Variants in GSN observed in about 807,000 individuals in gnomAD.
The protein encoded by GSN is actin-depolymerizing factor.
In GSN, 56 loss-of-function variants were observed where a neutral mutation model predicts 85.7. The ratio of observed to expected loss-of-function variants is 0.65; its 90% CI spans 0.53 to 0.82. The LOEUF (loss-of-function observed/expected upper bound fraction) is 0.82. Ranked by LOEUF, GSN falls within the 40% of genes least tolerant of loss-of-function variation. The probability of loss-of-function intolerance (pLI) is 0.00; values close to 1 mark genes in which losing one functional copy is unlikely to be tolerated. For synonymous variants in GSN, 373 were observed against 399.1 expected (o/e 0.93, Z 0.78); for missense variants, 857 against 979.8 (o/e 0.87, Z 1.67).
At chr9:121,305,996 C>T (rs925956800) in intron 4 of GSN, among the ~76,000 whole-genome samples, 9 of 152,220 alleles carry the variant, frequency 5.9e-5, no homozygotes, top group Admixed American at 2.6e-4. Context: ...AAAGGGCTGA[C>T]ATGGGGCTTG....
At chr9:121,311,301 A>G in intron 5 of GSN, 1 of 224,592 alleles carries the variant, frequency 4.5e-6, no homozygotes, top group Admixed American at 5.2e-5. Flanking sequence ...GCCCTTACCC[A>G]GGCCCACCTT....
At chr9:121,228,426 T>A (rs12238710) in intron 4 of GSN, among the ~76,000 whole-genome samples, 596 of 19,136 alleles carry the variant, frequency 0.031, 3 homozygotes, top group Middle Eastern at 0.05. Context: ...ATATATATAT[T>A]TTTTTTTTTT....
intron 12 of GSN, among the ~76,000 whole-genome samples, chr9:121,325,181 C>T (rs1311445690): frequency 6.6e-6 from 1 of 152,240 alleles, no homozygotes. Flanking sequence ...CATTTAGAAT[C>T]ATGCCTGCCA....
At chr9:121,210,277 GTT>G (rs1351826488) in exon 3 of GSN, 1 of 152,180 alleles carries the variant, frequency 6.6e-6, no homozygotes, top group African/African-American at 2.4e-5. Context: ...GTGTCTCTCC[GTT>G]TCTCTCTCTG....
At chr9:121,249,042 A>G (rs2054760032) in intron 6 of GSN, among the ~76,000 whole-genome samples, 1 of 152,162 alleles carries the variant, frequency 6.6e-6, no homozygotes, top group Non-Finnish European at 1.5e-5. Context: ...GACAATCTAG[A>G]TGTAAGATGA....
At chr9:121,247,870 C>T (rs546196881) in intron 5 of GSN, among the ~76,000 whole-genome samples, 5 of 144,122 alleles carry the variant, frequency 3.5e-5, no homozygotes, top group Non-Finnish European at 6.1e-5. Context: ...CTCACCCCCC[C>T]ACCCCACCAC....
At chr9:121,229,568 A>G (rs756281208) in intron 4 of GSN, among the ~76,000 whole-genome samples, 2 of 152,170 alleles carry the variant, frequency 1.3e-5, no homozygotes, top group Non-Finnish European at 2.9e-5. Context: ...TAAATGTTCC[A>G]CAATTTAGGT....
At chr9:121,256,750 G>A (rs997806635) in intron 6 of GSN, among the ~76,000 whole-genome samples, 1 of 152,032 alleles carries the variant, frequency 6.6e-6, no homozygotes, top group African/African-American at 2.4e-5. Context: ...TTAGCTGGCC[G>A]TGGTGGCGGA....
intron 14 of GSN, 95 bp downstream of exon 14, chr9:121,327,577 C>A: frequency 1.0e-6 from 1 of 994,212 alleles, no homozygotes; most frequent in Non-Finnish European, 1.5e-6. Context: ...ATCCTCCCCT[C>A]CATCCCACCT....
intron 10 of GSN, among the ~76,000 whole-genome samples, chr9:121,319,584 A>G (rs1157430448): frequency 6.6e-6 from 1 of 151,792 alleles, no homozygotes; most frequent in African/African-American, 2.4e-5. Flanking sequence ...CGGCCCCCCA[A>G]AGTGTTGGAA....
At chr9:121,218,716 G>A (rs1234610502) in intron 4 of GSN, among the ~76,000 whole-genome samples, 3 of 152,220 alleles carry the variant, frequency 2.0e-5, no homozygotes, top group Non-Finnish European at 2.9e-5. Context: ...TGTTGCAGGA[G>A]TTGGCATTAG....
At chr9:121,237,283 TA>T (rs1003029782) in intron 5 of GSN, among the ~76,000 whole-genome samples, 66 of 152,302 alleles carry the variant, frequency 4.3e-4, no homozygotes, top group African/African-American at 1.5e-3. Context: ...TCTGCTAGGC[TA>T]GGGGTGATGT....
In GSN at chr9:121,321,378, C is replaced by G. The variant is rs754337931; in HGVS notation, c.1302C>G (p.Arg434=). The G allele has an allele frequency of 7.4e-6, 12 of 1,613,970 alleles. No homozygotes were observed. In the African/African-American group the frequency reaches 1.5e-4, roughly 20 times the overall value. The change falls in exon 11 of 18, where the codon CGC becomes CGG. Residue 434 remains arginine (R), a synonymous_variant. Coordinates refer to ENST00000432226, the MANE Select transcript of GSN (RefSeq NM_198252.3). ...TGTACAACTACCGCCATGGTGGCCG[C>G]CAGGGGCAGATAATCTATAACTGGT... ...IILYNYRHGG[R]QGQIIYNWQG...
intron 11 of GSN, among the ~76,000 whole-genome samples, chr9:121,322,983 T>A (rs1285213101): frequency 6.6e-6 from 1 of 151,554 alleles, no homozygotes; most frequent in African/African-American, 2.4e-5. Flanking sequence ...TTGCCACTAC[T>A]CACCACCACA....
Position 121,218,175 on chromosome 9 carries a change from T to C in GSN, c.-528+7308T>C, listed in dbSNP as rs113806441. Among the ~76,000 whole-genome samples, 870 of 152,304 alleles carry C rather than the reference T, an allele frequency of 5.7e-3. 5 individuals are homozygous for C. Among genetic ancestry groups the C allele is most frequent in the African/African-American group, 0.02 (820 of 41,562 alleles). On this transcript the variant is annotated intron_variant, in intron 4 of 24. Coordinates refer to the GSN transcript ENST00000373823. ...TGAATTGTCTGGCAGTCATTTAATATTGTATTATATTTTAGGTCTGTCAAC... is the reference window on the plus strand; with the variant it reads ...TGAATTGTCTGGCAGTCATTTAATACTGTATTATATTTTAGGTCTGTCAAC...
At chr9:121,254,495 A>G (rs535660188) in intron 6 of GSN, among the ~76,000 whole-genome samples, 1 of 152,310 alleles carries the variant, frequency 6.6e-6, no homozygotes, top group East Asian at 1.9e-4. Context: ...GGAAAGAATT[A>G]TTTAAAAGCA....
In GSN at chr9:121,310,801, G is replaced by A. The variant is rs2061031275; in HGVS notation, c.469G>A (p.Glu157Lys). The A allele has an allele frequency of 4.3e-6, 7 of 1,614,032 alleles. No homozygotes were observed. Among genetic ancestry groups the A allele is most frequent in the African/African-American group, 1.3e-5 (1 of 74,916 alleles). The change falls in exon 5 of 18, where the codon GAG (glutamate) becomes AAG (lysine). Residue 157 changes from glutamate (E) to lysine (K), a missense_variant. Transcript: ENST00000432226. ...VRATEVPVSW[E>K]SFNNGDCFIL... ...TGCCACCGAGGTACCTGTGTCCTGG[G>A]AGAGCTTCAACAATGGCGACTGCTT...
chr9:121,286,249 C>T, intron 2 of GSN: 1 of 1,117,146 alleles, frequency 9.0e-7, no homozygotes, highest in South Asian at 1.4e-5. Context: ...CCAGGGAGAC[C>T]CGAGGGAAAG....
chr9:121,215,217 C>T (rs2054038960), intron 4 of GSN, among the ~76,000 whole-genome samples: 2 of 27,422 alleles, frequency 7.3e-5, no homozygotes, highest in Admixed American at 3.6e-4. Context: ...AATTAAGGAC[C>T]CCCCCCCCCA....
Sources: allele counts gnomAD v4.1 joint callset (sites outside exome capture counted in the v4.1 genomes callset), GRCh38; gene constraint gnomAD v4.1.1; transcripts MANE v1.5; gene names NCBI Gene and HGNC (gene_info 2026-07-23, HGNC 2026-07-21).